Variants in NALCN observed in about 807,000 individuals in gnomAD.
NALCN encodes sodium leak channel NALCN.
Under a neutral mutation model 225.3 loss-of-function variants are expected in NALCN, and 111 were observed. The ratio of observed to expected loss-of-function variants is 0.49; its 90% confidence interval spans 0.42 to 0.58. The LOEUF is 0.58. Ranked by LOEUF, NALCN falls within the 20% of genes least tolerant of loss-of-function variation. The pLI is 0.00. For synonymous variants in NALCN, 764 were observed against 769.0 expected, an observed-to-expected ratio of 0.99 and a Z score of 0.11; for missense variants, 1,378 against 2,202.4, an observed-to-expected ratio of 0.63 and a Z score of 7.49.
chr13:101,191,895 G>GAA (rs5806198), intron 14 of NALCN, 22 bp downstream of exon 14: 267 of 1,566,418 alleles, frequency 1.7e-4, no homozygotes, highest in Admixed American at 8.0e-4. Flanking sequence ...AGATATAATT[G>GAA]AAAAAAAAAT....
chr13:101,093,851 C>T (rs561303366), intron 28 of NALCN, among the ~76,000 whole-genome samples: 123 of 152,208 alleles, frequency 8.1e-4, no homozygotes, highest in African/African-American at 2.9e-3. Context: ...TCAAGGACCC[C>T]GGTTTGAGGA....
Position 101,414,384 on chromosome 13 carries a change from G to A in NALCN, c.-40+1929C>T, listed in dbSNP as rs74120036. Among the ~76,000 whole-genome samples the A allele has an allele frequency of 6.2e-3, 938 of 152,306 alleles. 9 individuals are homozygous for A. The highest frequency in any genetic ancestry group is 0.022 in the African/African-American group (894 of 41,540). ...TTAGCTTATCTTAGGATATAGAGGT[G>A]TAGATGTGAATTTTCATTCACAAAC... On this transcript the variant is annotated intron_variant, in intron 1 of 43. Coordinates refer to ENST00000251127, the MANE Select transcript of NALCN (RefSeq NM_052867.4).
At chr13:101,411,584 G>A (rs938052806) in intron 1 of NALCN, among the ~76,000 whole-genome samples, 1 of 152,004 alleles carries the variant, frequency 6.6e-6, no homozygotes, top group Non-Finnish European at 1.5e-5. Context: ...TCCTGACCTC[G>A]TGATCCACCC....
At chr13:101,246,957 C>T (rs2041915345) in intron 11 of NALCN, among the ~76,000 whole-genome samples, 1 of 152,186 alleles carries the variant, frequency 6.6e-6, no homozygotes, top group African/African-American at 2.4e-5. Context: ...CTGTTTCAAA[C>T]ATACTGTGAT....
At chr13:101,221,330 G>T (rs1172844369) in intron 13 of NALCN, among the ~76,000 whole-genome samples, 1 of 152,032 alleles carries the variant, frequency 6.6e-6, no homozygotes, top group African/African-American at 2.4e-5. Flanking sequence ...TGTTGGCCAG[G>T]ATGGTCTCCA....
At chr13:101,058,161 C>T in intron 42 of NALCN, 105 bp from the exon 43 acceptor site, 1 of 928,676 alleles carries the variant, frequency 1.1e-6, no homozygotes, top group Non-Finnish European at 1.6e-6. Flanking sequence ...GTGGGAAGAA[C>T]AACATGGACT....
At chr13:101,112,167 G>A (rs1175348037) in intron 18 of NALCN, among the ~76,000 whole-genome samples, 1 of 147,328 alleles carries the variant, frequency 6.8e-6, no homozygotes, top group Non-Finnish European at 1.5e-5. Flanking sequence ...GATGGTAAAT[G>A]TTATGTGTTG....
chr13:101,163,813 T>C (rs74117659), intron 15 of NALCN, among the ~76,000 whole-genome samples: 1,881 of 152,204 alleles, frequency 0.012, 38 homozygotes, highest in African/African-American at 0.043. Context: ...AGAAATGTAT[T>C]GTCTCATATT....
chr13:101,204,632 GA>G (rs1020640411), intron 13 of NALCN, among the ~76,000 whole-genome samples: 7 of 150,656 alleles, frequency 4.6e-5, no homozygotes, highest in East Asian at 1.9e-4. Flanking sequence ...AAGAGTAAAA[GA>G]AAAAAAAAGT....
chr13:101,163,835 G>C (rs1014566373), intron 15 of NALCN, among the ~76,000 whole-genome samples: 1 of 152,110 alleles, frequency 6.6e-6, no homozygotes, highest in Admixed American at 6.5e-5. Flanking sequence ...CTGGGGGCTG[G>C]AAGTCTGAGA....
rs772803115 is a variant in NALCN, at chr13:101,081,560, G to A, written c.3852C>T (p.Gly1284=). ...CAAAGTGAAGCACCACCCATACAAC[G>A]CCAAGCGACGTCACCAGGAGATCGT... ...NRYDLLVTSL[G]VVWVVLHFAL... is the part of the protein sequence containing the mutation. The change falls in exon 34 of 44, where the codon GGC becomes GGT. Residue 1284 remains glycine, a synonymous_variant. Coordinates refer to ENST00000251127, the MANE Select transcript of NALCN (RefSeq NM_052867.4). 9.9e-6 allele frequency: 16 copies of A among 1,614,068 alleles called. No individual in the cohort carries two copies. Among genetic ancestry groups the A allele is most frequent in the Middle Eastern group, 1.6e-4 (1 of 6,062 alleles).
Position 101,291,993 on chromosome 13 carries a change from G to C in NALCN, c.1044C>G (p.Thr348=). The change falls in exon 9 of 44, where the codon ACC becomes ACG. Residue 348 remains threonine, a synonymous_variant. Coordinates refer to ENST00000251127, the MANE Select transcript of NALCN (RefSeq NM_052867.4). The part of the protein sequence containing the change: ...SRSSTTSTAT[T]QMFHEDAAGG... ...CATCCTCTTGCTGATAGCGTACCTGGGTGGTGGCTGTTGAGGTAGTGCTGC... is the reference window on the plus strand; with the variant it reads ...CATCCTCTTGCTGATAGCGTACCTGCGTGGTGGCTGTTGAGGTAGTGCTGC... 1.2e-6 allele frequency: 2 copies of C among 1,613,892 alleles called. No homozygotes were observed. The highest frequency in any genetic ancestry group is 8.5e-7 in the Non-Finnish European group (1 of 1,179,940).
chr13:101,204,629 A>G (rs1470768168), intron 13 of NALCN, among the ~76,000 whole-genome samples: 1 of 152,146 alleles, frequency 6.6e-6, no homozygotes, highest in Non-Finnish European at 1.5e-5. Context: ...TTCAAGAGTA[A>G]AAGAAAAAAA....
At chr13:101,327,922 T>C (rs1263108254) in intron 7 of NALCN, among the ~76,000 whole-genome samples, 1 of 152,208 alleles carries the variant, frequency 6.6e-6, no homozygotes, top group Non-Finnish European at 1.5e-5. Context: ...TTAGGCTTTA[T>C]GGGCCTCAGG....
At chr13:101,288,848 GTTCT>G (rs2043439249) in intron 9 of NALCN, among the ~76,000 whole-genome samples, 1 of 152,170 alleles carries the variant, frequency 6.6e-6, no homozygotes, top group African/African-American at 2.4e-5. Flanking sequence ...AAATTTAGCA[GTTCT>G]TTGAGTTCTA....
At chr13:101,288,475 T>C (rs2043424264) in intron 9 of NALCN, among the ~76,000 whole-genome samples, 1 of 152,352 alleles carries the variant, frequency 6.6e-6, no homozygotes, top group Middle Eastern at 3.4e-3. Flanking sequence ...TGAACATTTA[T>C]GCACAAGTTG....
chr13:101,110,475 C>A lies in NALCN; in HGVS notation c.2364+144G>T. 3 of 817,256 alleles carry A rather than the reference C, an allele frequency of 3.7e-6. No homozygotes were observed. In the South Asian group the frequency reaches 5.2e-5, roughly 14 times the overall value. The allele number at this position is 817,256 out of a possible 1,614,324, so 50.6% of individuals were successfully genotyped here. ...TGATACTTGGCTACATAATTCATAT[C>A]CTGAGTTTCCTGATTCCCTCTGGTA... On this transcript the variant is annotated intron_variant, in intron 20 of 43. Coordinates refer to ENST00000251127, the MANE Select transcript of NALCN (RefSeq NM_052867.4).
In NALCN at chr13:101,229,585, C is replaced by T; in HGVS notation, c.1435-1G>A. ...TAATCAGCCGAACTACTCGGAGAAC[C>T]TATCAAGGGAGAGAGAAACATTTAT... is the stretch of plus-strand genomic sequence containing the variant. On this transcript the variant is annotated splice_acceptor_variant, in intron 12 of 43. Coordinates refer to ENST00000251127, the MANE Select transcript of NALCN (RefSeq NM_052867.4). LOFTEE classifies it high-confidence loss of function. 6.4e-7 allele frequency: 1 copy of T among 1,561,418 alleles called. No individual in the cohort carries two copies. The highest frequency in any genetic ancestry group is 8.7e-7 in the Non-Finnish European group (1 of 1,155,596).
At chr13:101,324,686 G>A (rs532053829) in intron 7 of NALCN, among the ~76,000 whole-genome samples, 3 of 152,228 alleles carry the variant, frequency 2.0e-5, no homozygotes, top group South Asian at 4.1e-4. Context: ...CTGAGACGAT[G>A]GGGTTTTCTA....
Sources: allele counts gnomAD v4.1 joint callset (sites outside exome capture counted in the v4.1 genomes callset), GRCh38; gene constraint gnomAD v4.1.1; transcripts MANE v1.5; gene names NCBI Gene and HGNC (gene_info 2026-07-23, HGNC 2026-07-21).